The following MECOM variants were observed in gnomAD, a reference collection of about 807,000 sequenced individuals.
MECOM encodes histone-lysine N-methyltransferase MECOM.
MECOM carries 13 observed loss-of-function variants against 116.3 expected under a neutral mutation model. That is an observed-to-expected ratio of 0.11 (90% CI 0.07 to 0.18). MECOM has a LOEUF of 0.18. Among genes scored for constraint, MECOM ranks in the 10% least tolerant of loss-of-function variants. The pLI, the probability that MECOM is intolerant of heterozygous loss-of-function variation, is 1.00. For missense variants in MECOM, 1,299 were observed against 1,509.0 expected, an observed-to-expected ratio of 0.86 and a Z score of 2.31; for synonymous variants, 528 against 535.2, an observed-to-expected ratio of 0.99 and a Z score of 0.19.
At chr3:169,437,135 T>G (rs565548076) in intron 1 of MECOM, among the ~76,000 whole-genome samples, 1 of 152,320 alleles carries the variant, frequency 6.6e-6, no homozygotes, top group East Asian at 1.9e-4. Context: ...TTTCATTATT[T>G]TCTCCATCTC....
intron 1 of MECOM, among the ~76,000 whole-genome samples, chr3:169,570,339 A>C (rs1296843825): frequency 1.3e-5 from 2 of 152,226 alleles, no homozygotes; most frequent in African/African-American, 4.8e-5. Context: ...AAATTGAGGC[A>C]GTAATTAATA....
At chr3:169,185,259 C>T (rs987015682) in intron 2 of MECOM, among the ~76,000 whole-genome samples, 1 of 150,062 alleles carries the variant, frequency 6.7e-6, no homozygotes. Flanking sequence ...CTGGGAAACA[C>T]CATTTGAGAA....
At chr3:169,633,588 C>T (rs1042968952) in intron 1 of MECOM, among the ~76,000 whole-genome samples, 1 of 152,134 alleles carries the variant, frequency 6.6e-6, no homozygotes, top group Non-Finnish European at 1.5e-5. Flanking sequence ...GCCTGTTTCC[C>T]ACAGCCAGCA....
Position 169,229,680 on chromosome 3 carries a change from G to A in MECOM, c.376-85848C>T, listed in dbSNP as rs182232971. 3.7e-3 allele frequency among the ~76,000 whole-genome samples: 561 copies of A among 152,238 alleles called. 1 individual carries two copies. Among genetic ancestry groups the A allele is most frequent in the Non-Finnish European group, 5.5e-3 (375 of 68,014 alleles). ...AAGCCCAAAGTATCTGAGTGGCTTG[G>A]ATAAGGTGGCTACTGTGAATATGCC... On this transcript the variant is annotated intron_variant, in intron 2 of 16. Transcript: ENST00000651503.
intron 1 of MECOM, among the ~76,000 whole-genome samples, chr3:169,624,343 A>C (rs1771099764): frequency 6.6e-6 from 1 of 152,234 alleles, no homozygotes; most frequent in African/African-American, 2.4e-5. Flanking sequence ...CCAGCATGAC[A>C]CACTGCCTTC....
chr3:169,485,829 G>GTGTA (rs1553867453), intron 1 of MECOM, among the ~76,000 whole-genome samples: 3 of 134,364 alleles, frequency 2.2e-5, no homozygotes, highest in East Asian at 5.6e-4. Context: ...ATATATATAT[G>GTGTA]TATATATATG....
chr3:169,427,337 G>A (rs1740897551), intron 1 of MECOM, among the ~76,000 whole-genome samples: 1 of 152,044 alleles, frequency 6.6e-6, no homozygotes, highest in African/African-American at 2.4e-5. Flanking sequence ...TAAAGGATTT[G>A]CACTTCATTT....
At chr3:169,404,883 C>A (rs1055444619) in intron 1 of MECOM, among the ~76,000 whole-genome samples, 1 of 152,198 alleles carries the variant, frequency 6.6e-6, no homozygotes, top group Admixed American at 6.5e-5. Flanking sequence ...AAGGAAACCT[C>A]CCATTCCCCT....
chr3:169,435,780 T>A (rs1742531561), intron 1 of MECOM, among the ~76,000 whole-genome samples: 2 of 152,144 alleles, frequency 1.3e-5, no homozygotes, highest in Admixed American at 1.3e-4. Context: ...CTTGAAAAAA[T>A]TCAACATAAA....
At chr3:169,437,460 G>T (rs1045460001) in intron 1 of MECOM, among the ~76,000 whole-genome samples, 44 of 152,154 alleles carry the variant, frequency 2.9e-4, no homozygotes, top group African/African-American at 1.0e-3. Flanking sequence ...AACTCAAACC[G>T]GATCCCATGA....
rs1480298838 is a variant in MECOM, at chr3:169,483,731, ACT to A, written c.38-102209_38-102208del. 1.1e-5 allele frequency: 17 copies of A among 1,589,824 alleles called. No individual in the cohort carries two copies. The Admixed American group carries it at 2.5e-4, about 24-fold the overall frequency. On this transcript the variant is annotated intron_variant, in intron 1 of 16. Transcript: ENST00000651503. ...TAATCTGGAAGTAACGTAATTCGTA[ACT>A]CTCTTTGCTGTTAGCAACTACGCGC...
intron 2 of MECOM, among the ~76,000 whole-genome samples, chr3:169,187,995 G>T (rs2149413427): frequency 6.6e-6 from 1 of 152,062 alleles, no homozygotes; most frequent in Non-Finnish European, 1.5e-5. Context: ...ATTTTTTAAA[G>T]CTTTGCACAA....
chr3:169,622,956 G>A (rs576440897), intron 1 of MECOM, among the ~76,000 whole-genome samples: 19 of 152,248 alleles, frequency 1.2e-4, no homozygotes, highest in African/African-American at 3.6e-4. Context: ...TTACTGAAAC[G>A]AAGATCAGAT....
chr3:169,563,101 G>T (rs1186866225), intron 1 of MECOM, among the ~76,000 whole-genome samples: 1 of 150,844 alleles, frequency 6.6e-6, no homozygotes, highest in Non-Finnish European at 1.5e-5. Flanking sequence ...TAAGGAAGAA[G>T]AGATGATTGC....
intron 12 of MECOM, among the ~76,000 whole-genome samples, chr3:169,100,101 C>CTTTTTTTTTTTTTTTT (rs869032341): frequency 3.0e-4 from 15 of 50,650 alleles, no homozygotes; most frequent in Non-Finnish European, 3.9e-4. Flanking sequence ...TTCTTTCTTT[C>CTTTTTTTTTTTTTTTT]TTTTTTTTTT....
intron 1 of MECOM, chr3:169,624,035 T>A (rs1291361132): frequency 6.6e-6 from 1 of 152,226 alleles, no homozygotes; most frequent in Non-Finnish European, 1.5e-5. Context: ...CACCCTCCAC[T>A]GACACATCTG....
intron 1 of MECOM, among the ~76,000 whole-genome samples, chr3:169,567,892 C>A (rs1231512000): frequency 6.6e-6 from 1 of 152,036 alleles, no homozygotes; most frequent in East Asian, 1.9e-4. Context: ...ACAATTAGAA[C>A]CTGAGTTAAA....
At chr3:169,619,233 G>T (rs1041651841) in intron 1 of MECOM, among the ~76,000 whole-genome samples, 3 of 152,236 alleles carry the variant, frequency 2.0e-5, no homozygotes, top group African/African-American at 7.2e-5. Context: ...CGCATCCCCA[G>T]TCGGGCTGGA....
At chr3:169,173,482 C>A (rs1744733561) in intron 2 of MECOM, among the ~76,000 whole-genome samples, 1 of 152,194 alleles carries the variant, frequency 6.6e-6, no homozygotes, top group Non-Finnish European at 1.5e-5. Flanking sequence ...GTCCCAGAGG[C>A]ATCTTAAATT....
Sources: allele counts gnomAD v4.1 joint callset (sites outside exome capture counted in the v4.1 genomes callset), GRCh38; gene constraint gnomAD v4.1.1; transcripts MANE v1.5; gene names NCBI Gene and HGNC (gene_info 2026-07-23, HGNC 2026-07-21).